The following NRXN3 variants were observed in gnomAD, a reference collection of about 807,000 sequenced individuals.
NRXN3 encodes neurexin III.
A neutral mutation model predicts 137.6 loss-of-function variants in NRXN3; 32 were observed. That is an observed-to-expected ratio of 0.23 (90% CI 0.18 to 0.31). The LOEUF is 0.31. Ranked by LOEUF, NRXN3 falls within the 10% of genes least tolerant of loss-of-function variation. The pLI is 1.00. For missense variants in NRXN3, 1,574 were observed against 2,062.5 expected, an observed-to-expected ratio of 0.76 and a Z score of 4.59; for synonymous variants, 798 against 784.5, an observed-to-expected ratio of 1.02 and a Z score of -0.29.
At chr14:79,115,432 C>G (rs1367108540) in intron 15 of NRXN3, among the ~76,000 whole-genome samples, 1 of 152,074 alleles carries the variant, frequency 6.6e-6, no homozygotes, top group Non-Finnish European at 1.5e-5. Context: ...GTCTCTACCC[C>G]CTTTTGACCT....
chr14:79,614,232 T>A (rs901590574), intron 16 of NRXN3, among the ~76,000 whole-genome samples: 4 of 152,224 alleles, frequency 2.6e-5, no homozygotes, highest in African/African-American at 9.6e-5. Flanking sequence ...AAGTAAGAAT[T>A]TCCTTCGAGG....
At chr14:79,352,697 T>C (rs1251915260) in intron 15 of NRXN3, among the ~76,000 whole-genome samples, 1 of 152,126 alleles carries the variant, frequency 6.6e-6, no homozygotes, top group Non-Finnish European at 1.5e-5. Context: ...AGCTAAGATA[T>C]GTCTGATGCT....
At chr14:79,524,228 A>C (rs527466910) in intron 16 of NRXN3, among the ~76,000 whole-genome samples, 1 of 152,286 alleles carries the variant, frequency 6.6e-6, no homozygotes, top group Non-Finnish European at 1.5e-5. Flanking sequence ...AAGGAACTAG[A>C]GGGGGGATAA....
chr14:79,416,469 A>C (rs372568040), intron 15 of NRXN3, among the ~76,000 whole-genome samples: 10 of 152,320 alleles, frequency 6.6e-5, no homozygotes, highest in African/African-American at 2.2e-4. Context: ...TTACAAATCA[A>C]ATGCAAACAA....
chr14:79,369,364 G>T (rs991880051), intron 15 of NRXN3, among the ~76,000 whole-genome samples: 1 of 152,144 alleles, frequency 6.6e-6, no homozygotes, highest in Non-Finnish European at 1.5e-5. Flanking sequence ...TAGGAAAGGC[G>T]ATTGGTAGTG....
rs529612678 is a variant in NRXN3 at position 79,696,898 on chromosome 14, G to T, written c.3707-732G>T. Among the ~76,000 whole-genome samples, 342 of 151,912 alleles carry T rather than the reference G, an allele frequency of 2.3e-3. 2 individuals carry two copies. Among genetic ancestry groups the T allele is most frequent in the Non-Finnish European group, 3.0e-3 (206 of 67,886 alleles). ...CCCAGGACTGGAGCATTACCAATAT[G>T]CTTATATTTCATACTGAGGGAATAA... is the stretch of plus-strand genomic sequence containing the variant. On this transcript the variant is annotated intron_variant, in intron 18 of 20. Coordinates refer to ENST00000335750, the MANE Select transcript of NRXN3 (RefSeq NM_001330195.2).
chr14:78,382,149 A>G (rs149692339), intron 4 of NRXN3, among the ~76,000 whole-genome samples: 111 of 152,360 alleles, frequency 7.3e-4, no homozygotes, highest in Non-Finnish European at 1.2e-3. Flanking sequence ...AATTAACTCA[A>G]TATAAAAAAA....
intron 14 of NRXN3, among the ~76,000 whole-genome samples, chr14:78,979,840 A>G (rs2099484814): frequency 6.6e-6 from 1 of 152,152 alleles, no homozygotes; most frequent in East Asian, 1.9e-4. Flanking sequence ...TAAACCCATC[A>G]GATCTCATGA....
intron 15 of NRXN3, among the ~76,000 whole-genome samples, chr14:79,301,714 GTGTA>G (rs2085165960): frequency 6.6e-6 from 1 of 151,900 alleles, no homozygotes. Flanking sequence ...AAGTGTGTGT[GTGTA>G]TGTATTTGTG....
intron 15 of NRXN3, among the ~76,000 whole-genome samples, chr14:79,265,912 T>G (rs1463642869): frequency 6.6e-6 from 1 of 152,146 alleles, no homozygotes; most frequent in African/African-American, 2.4e-5. Flanking sequence ...AAATACTTTG[T>G]CATCTATAGT....
intron 15 of NRXN3, among the ~76,000 whole-genome samples, chr14:79,047,734 T>C (rs1178051838): frequency 6.6e-6 from 1 of 152,184 alleles, no homozygotes; most frequent in East Asian, 1.9e-4. Flanking sequence ...CAGTGATGTA[T>C]CATTTTATAC....
intron 16 of NRXN3, among the ~76,000 whole-genome samples, chr14:79,487,579 C>A (rs1343988642): frequency 6.6e-6 from 1 of 152,150 alleles, no homozygotes; most frequent in Non-Finnish European, 1.5e-5. Flanking sequence ...TTCCCCAAAG[C>A]AAAGCATCTC....
intron 15 of NRXN3, among the ~76,000 whole-genome samples, chr14:79,082,829 G>A (rs925713845): frequency 6.6e-6 from 1 of 152,082 alleles, no homozygotes; most frequent in Admixed American, 6.5e-5. Context: ...AATTCATTCA[G>A]GAATTCAAAC....
At chr14:79,708,443 A>C (rs1015131823) in intron 19 of NRXN3, among the ~76,000 whole-genome samples, 5 of 152,070 alleles carry the variant, frequency 3.3e-5, no homozygotes, top group Non-Finnish European at 1.5e-5. Flanking sequence ...TGTCTCTTGA[A>C]TCATCCAAAA....
chr14:78,742,061 T>G (rs186818356), intron 8 of NRXN3, among the ~76,000 whole-genome samples: 10 of 152,280 alleles, frequency 6.6e-5, no homozygotes, highest in Non-Finnish European at 1.0e-4. Flanking sequence ...CAAATCAGGT[T>G]GTCAAAATGG....
chr14:79,036,519 A>G (rs993106248), intron 15 of NRXN3, among the ~76,000 whole-genome samples: 1 of 151,914 alleles, frequency 6.6e-6, no homozygotes, highest in Non-Finnish European at 1.5e-5. Flanking sequence ...CTAAAATGGA[A>G]AAGTCCCAGG....
chr14:78,817,448 G>A (rs368532495), intron 10 of NRXN3, among the ~76,000 whole-genome samples: 103 of 152,298 alleles, frequency 6.8e-4, no homozygotes, highest in African/African-American at 2.5e-3. Context: ...CTTGTTCAAA[G>A]CACAAGCCTT....
intron 4 of NRXN3, among the ~76,000 whole-genome samples, chr14:78,394,509 A>G (rs1362074381): frequency 6.6e-6 from 1 of 151,846 alleles, no homozygotes; most frequent in Non-Finnish European, 1.5e-5. Flanking sequence ...GTCTATATTT[A>G]TAAAGGATAT....
chr14:78,844,121 A>G (rs2099020100), intron 10 of NRXN3, among the ~76,000 whole-genome samples: 1 of 152,048 alleles, frequency 6.6e-6, no homozygotes, highest in Admixed American at 6.6e-5. Flanking sequence ...TTCCAGTTTC[A>G]GGTGGTGCTC....
Sources: gnomAD v4.1 joint callset for allele counts (sites outside exome capture counted in the v4.1 genomes callset) on GRCh38, gnomAD v4.1.1 for gene constraint, MANE v1.5 for transcripts, NCBI Gene and HGNC (gene_info 2026-07-23, HGNC 2026-07-21) for gene names.